The following EXOC3L4 variants were observed in gnomAD, a reference collection of about 807,000 sequenced individuals.
EXOC3L4 encodes exocyst complex component 3 like 4, also known as exocyst complex component 3-like protein 4.
EXOC3L4 carries 62 observed loss-of-function variants against 69.7 expected under a neutral mutation model. The ratio of observed to expected loss-of-function variants is 0.89; its 90% CI spans 0.72 to 1.10. The LOEUF (loss-of-function observed/expected upper bound fraction) is 1.10, where lower values mean the gene tolerates loss of function less well. Ranked by LOEUF, EXOC3L4 falls within the 50% of genes least tolerant of loss-of-function variation. The probability of loss-of-function intolerance (pLI) is 0.00; values close to 1 mark genes in which losing one functional copy is unlikely to be tolerated. For missense variants in EXOC3L4, 1,087 were observed against 1,034.8 expected (o/e 1.05, Z -0.69); for synonymous variants, 502 against 464.2 (o/e 1.08, Z -1.05).
intron 3 of EXOC3L4, chr14:103,103,672 T>G: frequency 2.3e-5 from 10 of 432,046 alleles, no homozygotes; most frequent in East Asian, 4.7e-5. Flanking sequence ...TCCTGAGCTG[T>G]GTTTGAGGAG....
chr14:103,106,957 C>G (rs1890588170), intron 8 of EXOC3L4, 58 bp downstream of exon 8: 3 of 1,371,904 alleles, frequency 2.2e-6, no homozygotes, highest in Non-Finnish European at 3.0e-6. Flanking sequence ...CCCCCTATTT[C>G]CTAGAGCCTG....
chr14:103,104,467 T>A, intron 5 of EXOC3L4, 78 bp downstream of exon 5: 4 of 1,417,934 alleles, frequency 2.8e-6, no homozygotes, highest in Non-Finnish European at 3.7e-6. Flanking sequence ...CAGAACGAAT[T>A]CCTATCCAGT....
chr14:103,099,862 G>A (rs772532838), intron 1 of EXOC3L4, among the ~76,000 whole-genome samples: 1 of 152,180 alleles, frequency 6.6e-6, no homozygotes, highest in South Asian at 2.1e-4. Flanking sequence ...GGTCTGGACT[G>A]GGCCCCAGAA....
chr14:103,107,576 T>G, intron 9 of EXOC3L4, 33 bp downstream of exon 9: 3 of 1,612,152 alleles, frequency 1.9e-6, no homozygotes, highest in Non-Finnish European at 2.5e-6. Flanking sequence ...GGCAGGGCTG[T>G]GCCCAGGATT....
intron 11 of EXOC3L4, 113 bp downstream of exon 11, chr14:103,108,630 G>A (rs1890721040): frequency 6.9e-7 from 1 of 1,441,382 alleles, no homozygotes; most frequent in East Asian, 2.3e-5. Flanking sequence ...GAAGACCAGA[G>A]GCAGGAGGTA....
intron 7 of EXOC3L4, 75 bp downstream of exon 7, chr14:103,105,147 G>C (rs530354159): frequency 6.8e-7 from 1 of 1,475,776 alleles, no homozygotes; most frequent in East Asian, 2.3e-5. Flanking sequence ...CCTGGATGGA[G>C]GGGAGTGCGC....
intron 1 of EXOC3L4, among the ~76,000 whole-genome samples, chr14:103,096,653 T>G (rs1889901244): frequency 6.6e-6 from 1 of 152,200 alleles, no homozygotes; most frequent in Admixed American, 6.5e-5. Context: ...GCAAGCCCCA[T>G]GTTTAAAGAT....
rs1890404046 is a variant in EXOC3L4 at position 103,104,299 on chromosome 14, G to A, written c.1194G>A (p.Leu398=). Residue 398 remains leucine (L), a synonymous_variant, in exon 5 of 12, where the codon TTG becomes TTA. Transcript: ENST00000688303. The part of the protein sequence containing the change: ...AKIASCFDSI[L]QLEQSHWAAA... ...TCGCAAGCTGCTTCGACAGCATCTT[G>A]CAGCTGGAGCAGAGTCACTGGGCGG... The A allele has an allele frequency of 6.3e-7, 1 of 1,595,938 alleles. No homozygotes were observed.
At position 103,104,392 on chromosome 14, in the gene EXOC3L4, G is replaced by A. The variant is rs763028578; in HGVS notation, c.1284+3G>A. The A allele has an allele frequency of 6.4e-7, 1 of 1,562,164 alleles. No homozygotes were observed. Among genetic ancestry groups the A allele is most frequent in the Non-Finnish European group, 8.7e-7 (1 of 1,155,872 alleles). ...CGCTGTCCATGGACGTCCATATGGTGCGGCCCGGGAGCAGGGGCTGAGAAG... is the reference window on the plus strand; with the variant it reads ...CGCTGTCCATGGACGTCCATATGGTACGGCCCGGGAGCAGGGGCTGAGAAG... On this transcript the variant is annotated splice_donor_region_variant and intron_variant, in intron 5 of 11. Transcript: ENST00000688303.
At chr14:103,102,977 C>A (rs1272400519) in intron 3 of EXOC3L4, among the ~76,000 whole-genome samples, 1 of 152,254 alleles carries the variant, frequency 6.6e-6, no homozygotes, top group East Asian at 1.9e-4. Flanking sequence ...GTCACCCATA[C>A]ACAGTTCCAG....
At position 103,108,573 on chromosome 14, in the gene EXOC3L4, G is replaced by A; in HGVS notation, c.1976+56G>A. ...CTACCAGAGCTTCAGGGCCAAGGGGGCTGGTATTGGAGCAACCCCAGCCCA... is the reference window on the plus strand; with the variant it reads ...CTACCAGAGCTTCAGGGCCAAGGGGACTGGTATTGGAGCAACCCCAGCCCA... On this transcript the variant is annotated intron_variant, in intron 11 of 11. Coordinates refer to ENST00000688303, the MANE Select transcript of EXOC3L4 (RefSeq NM_001077594.2). 4.4e-6 allele frequency: 7 copies of A among 1,590,170 alleles called. 1 individual carries two copies. In the African/African-American group the frequency reaches 5.3e-5, roughly 12 times the overall value.
intron 2 of EXOC3L4, 57 bp downstream of exon 2, chr14:103,100,670 A>T: frequency 6.6e-7 from 1 of 1,518,374 alleles, no homozygotes; most frequent in East Asian, 2.3e-5. Context: ...AGGTCAGGGC[A>T]GCTCAGCTGA....
intron 11 of EXOC3L4, 93 bp from the exon 12 acceptor site, chr14:103,109,938 T>C: frequency 7.5e-7 from 1 of 1,335,932 alleles, no homozygotes. Context: ...GAGTGACTCA[T>C]ACTAACTCCC....
intron 6 of EXOC3L4, 34 bp downstream of exon 6, chr14:103,104,872 G>C: frequency 6.6e-7 from 1 of 1,525,212 alleles, no homozygotes; most frequent in Non-Finnish European, 8.8e-7. Flanking sequence ...GAGCGACCTG[G>C]CCGGGTGCGC....
chr14:103,104,250 A>ATT lies in EXOC3L4; in HGVS notation c.1162-16_1162-15insTT. Reference sequence around the variant, plus strand: ...GTCTGGGAGGGTCTCACCACGGCCCATCCCTTCTCCCCCCAGGCCAAGATC... The same window carrying ATT: ...GTCTGGGAGGGTCTCACCACGGCCCATTTCCCTTCTCCCCCCAGGCCAAGATC... On this transcript the variant is annotated splice_polypyrimidine_tract_variant and intron_variant, in intron 4 of 11. Coordinates refer to ENST00000688303, the MANE Select transcript of EXOC3L4 (RefSeq NM_001077594.2). The ATT allele has an allele frequency of 6.4e-7, 1 of 1,568,044 alleles. No homozygotes were observed. Among genetic ancestry groups the ATT allele is most frequent in the Non-Finnish European group, 8.6e-7 (1 of 1,157,498 alleles).
intron 1 of EXOC3L4, among the ~76,000 whole-genome samples, chr14:103,099,866 C>T (rs1890075690): frequency 2.0e-5 from 3 of 152,258 alleles, no homozygotes; most frequent in South Asian, 2.1e-4. Flanking sequence ...TGGACTGGGC[C>T]CCAGAACTGC....
chr14:103,105,194 G>T, intron 7 of EXOC3L4, 122 bp downstream of exon 7: 2 of 973,950 alleles, frequency 2.1e-6, no homozygotes, highest in Non-Finnish European at 3.0e-6. Context: ...GTGTGTGTGT[G>T]TGTTTGTGTC....
intron 3 of EXOC3L4, among the ~76,000 whole-genome samples, 175 bp downstream of exon 3, chr14:103,102,947 C>T (rs1053959572): frequency 6.6e-6 from 1 of 152,370 alleles, no homozygotes; most frequent in Admixed American, 6.5e-5. Context: ...TGGGGCGCTC[C>T]CGCCCCAGGT....
Position 103,110,436 on chromosome 14 carries a change from G to A in EXOC3L4, c.*213G>A, listed in dbSNP as rs1205886975. 1.4e-6 allele frequency: 1 copy of A among 692,122 alleles called. No homozygotes were observed. The highest frequency in any genetic ancestry group is 2.6e-6 in the Non-Finnish European group (1 of 384,880). 42.9% of individuals were successfully genotyped at this position (692,122 alleles called of 1,614,324 possible). On this transcript the variant is annotated 3_prime_UTR_variant, in exon 12 of 12. Transcript: ENST00000688303. ...GCATCGTTGAGGGGAGTGTTTTGGG[G>A]CCGCAGAGCTCTCAATGCTGCCTAT...
Sources: gnomAD v4.1 joint callset for allele counts (sites outside exome capture counted in the v4.1 genomes callset) on GRCh38, gnomAD v4.1.1 for gene constraint, MANE v1.5 for transcripts, NCBI Gene and HGNC (gene_info 2026-07-23, HGNC 2026-07-21) for gene names.